The following WWOX variants were observed in gnomAD, a reference collection of about 807,000 sequenced individuals.
The protein encoded by WWOX is WW domain containing oxidoreductase.
WWOX carries 69 observed loss-of-function variants against 46.2 expected under a neutral mutation model. The ratio of observed to expected loss-of-function variants is 1.49; its 90% CI spans 1.23 to 1.82. The LOEUF (loss-of-function observed/expected upper bound fraction) is 1.82. Among genes scored for constraint, WWOX ranks in the 40% most tolerant of loss-of-function variants. The pLI is 0.00. For missense variants in WWOX, 919 were observed against 542.6 expected, an observed-to-expected ratio of 1.69 and a Z score of -6.89; for synonymous variants, 359 against 202.6, an observed-to-expected ratio of 1.77 and a Z score of -6.56.
At chr16:78,311,991 C>G (rs2080253554) in intron 5 of WWOX, among the ~76,000 whole-genome samples, 2 of 152,154 alleles carry the variant, frequency 1.3e-5, no homozygotes, top group African/African-American at 2.4e-5. Context: ...TTCCACGTTA[C>G]AGAGACTGCC....
At chr16:78,510,169 T>G (rs911086758) in intron 8 of WWOX, among the ~76,000 whole-genome samples, 3 of 152,120 alleles carry the variant, frequency 2.0e-5, no homozygotes, top group African/African-American at 4.8e-5. Flanking sequence ...CCTTGAAGAG[T>G]GAGTGATGTA....
At chr16:78,778,585 A>G (rs558259767) in intron 8 of WWOX, among the ~76,000 whole-genome samples, 1 of 152,268 alleles carries the variant, frequency 6.6e-6, no homozygotes, top group Admixed American at 6.5e-5. Context: ...AATTCAAGGT[A>G]TGAAATTCAA....
intron 8 of WWOX, among the ~76,000 whole-genome samples, chr16:78,990,272 T>C (rs2046860825): frequency 6.6e-6 from 1 of 151,976 alleles, no homozygotes; most frequent in Admixed American, 6.6e-5. Flanking sequence ...TGCTTTGTAA[T>C]TGCTGCCTGT....
rs71396184 is a variant in WWOX, at chr16:78,422,884, C to T, written c.606-1986C>T. On this transcript the variant is annotated intron_variant, in intron 6 of 8. Transcript: ENST00000566780. ...ACACACACACACACACACACACACA[C>T]ATATATTTTTTTTTTCTTTTAGATG... 1.7e-3 allele frequency among the ~76,000 whole-genome samples: 171 copies of T among 103,620 alleles called. 7 individuals are homozygous for T. The highest frequency in any genetic ancestry group is 5.0e-3 in the Middle Eastern group (1 of 202). The allele number at this position is 103,620 out of a possible 152,430, so 68.0% of individuals were successfully genotyped here.
At chr16:78,750,029 CTCTA>C (rs1186631036) in intron 8 of WWOX, among the ~76,000 whole-genome samples, 2 of 152,132 alleles carry the variant, frequency 1.3e-5, no homozygotes, top group Non-Finnish European at 2.9e-5. Context: ...AGTAGATAGA[CTCTA>C]TCAGGGAAAA....
intron 8 of WWOX, among the ~76,000 whole-genome samples, chr16:78,933,683 A>G (rs1424257443): frequency 6.6e-6 from 1 of 152,166 alleles, no homozygotes; most frequent in Non-Finnish European, 1.5e-5. Flanking sequence ...ACGGGGGCAG[A>G]CAAGAGAGGA....
intron 8 of WWOX, among the ~76,000 whole-genome samples, chr16:78,521,103 C>T (rs117573254): frequency 2.0e-5 from 3 of 152,312 alleles, no homozygotes; most frequent in South Asian, 4.1e-4. Context: ...GAAGAAATGA[C>T]TTCCTTGCTT....
intron 8 of WWOX, among the ~76,000 whole-genome samples, chr16:79,128,793 G>A (rs893864135): frequency 6.6e-6 from 1 of 152,160 alleles, no homozygotes; most frequent in African/African-American, 2.4e-5. Flanking sequence ...GGGGGCGGAG[G>A]CTAGGTCTCC....
At chr16:78,285,732 T>C (rs138879898) in intron 5 of WWOX, among the ~76,000 whole-genome samples, 185 of 152,284 alleles carry the variant, frequency 1.2e-3, no homozygotes, top group African/African-American at 4.3e-3. Flanking sequence ...TGCAGCAACC[T>C]TTGCGCCTAA....
At chr16:78,684,092 C>G (rs114074024) in intron 8 of WWOX, among the ~76,000 whole-genome samples, 2,460 of 152,244 alleles carry the variant, frequency 0.016, 64 homozygotes, top group African/African-American at 0.056. Context: ...AGCTCATGGC[C>G]GTGCAGTTCA....
chr16:78,144,462 T>TATATATATATATATACAC (rs1555543063), intron 4 of WWOX, among the ~76,000 whole-genome samples: 1 of 23,628 alleles, frequency 4.2e-5, no homozygotes, highest in Non-Finnish European at 7.7e-5. Context: ...TATATATATA[T>TATATATATATATATACAC]ACACACATAT....
intron 8 of WWOX, among the ~76,000 whole-genome samples, chr16:78,849,673 A>G (rs577126888): frequency 2.6e-5 from 4 of 152,142 alleles, no homozygotes; most frequent in East Asian, 1.9e-4. Context: ...GACAAAACAC[A>G]GTATGGTTGT....
At chr16:78,685,283 T>C (rs1307833050) in intron 8 of WWOX, among the ~76,000 whole-genome samples, 5 of 152,180 alleles carry the variant, frequency 3.3e-5, no homozygotes, top group Non-Finnish European at 7.4e-5. Context: ...ACTCAAGTGA[T>C]GAGGCCTGGG....
At chr16:78,975,695 C>G (rs1471922076) in intron 8 of WWOX, among the ~76,000 whole-genome samples, 1 of 152,126 alleles carries the variant, frequency 6.6e-6, no homozygotes, top group East Asian at 1.9e-4. Context: ...GTTGGGAATA[C>G]ACCGCTCAGA....
chr16:78,462,432 A>C (rs1295962022), intron 8 of WWOX, among the ~76,000 whole-genome samples: 2 of 152,194 alleles, frequency 1.3e-5, no homozygotes, highest in Non-Finnish European at 1.5e-5. Context: ...TTTGCAGCGC[A>C]CTTGCCAGCA....
intron 4 of WWOX, among the ~76,000 whole-genome samples, chr16:78,149,624 C>T (rs1783553344): frequency 6.6e-6 from 1 of 152,120 alleles, no homozygotes; most frequent in Non-Finnish European, 1.5e-5. Context: ...GGTATTTGGA[C>T]CACTTCTCCC....
At chr16:78,489,404 A>G (rs1302492896) in intron 8 of WWOX, among the ~76,000 whole-genome samples, 2 of 152,112 alleles carry the variant, frequency 1.3e-5, no homozygotes, top group Non-Finnish European at 1.5e-5. Flanking sequence ...TCTCACTGTG[A>G]ACCTGCTAAC....
At chr16:78,413,246 C>T (rs1004034754) in intron 6 of WWOX, among the ~76,000 whole-genome samples, 10 of 152,100 alleles carry the variant, frequency 6.6e-5, no homozygotes, top group African/African-American at 2.2e-4. Context: ...GATAGGGAGC[C>T]AGTGAGTGAT....
intron 5 of WWOX, among the ~76,000 whole-genome samples, chr16:78,205,461 G>GCCCACCTA (rs1304952354): frequency 9.2e-5 from 14 of 151,514 alleles, no homozygotes; most frequent in African/African-American, 3.4e-4. Flanking sequence ...CTGCCCATCT[G>GCCCACCTA]CCCACCTACC....
Sources: allele counts gnomAD v4.1 joint callset (sites outside exome capture counted in the v4.1 genomes callset), GRCh38; gene constraint gnomAD v4.1.1; transcripts MANE v1.5; gene names NCBI Gene and HGNC (gene_info 2026-07-23, HGNC 2026-07-21).